The following USH2A variants were observed in gnomAD, a reference collection of about 807,000 sequenced individuals.
USH2A encodes the protein usherin, also known as Usher syndrome 2A (autosomal recessive, mild).
Under a neutral mutation model 538.9 loss-of-function variants are expected in USH2A, and 443 were observed. The observed-to-expected ratio is 0.82, with a 90% CI of 0.76 to 0.89. The LOEUF (loss-of-function observed/expected upper bound fraction) is 0.89. USH2A is among the 40% of genes least tolerant of loss of function. The probability of loss-of-function intolerance (pLI) is 0.00; values close to 1 mark genes in which losing one functional copy is unlikely to be tolerated. For missense variants in USH2A, 6,633 were observed against 6,324.8 expected (o/e 1.05, Z -1.65); for synonymous variants, 2,413 against 2,273.5 (o/e 1.06, Z -1.75).
rs141479099 is a variant in USH2A, at chr1:215,874,057, G to A, written c.8681+3701C>T. Reference sequence around the variant, plus strand: ...ATCTGATCACTTAGGAACCAAGGCAGTGTTGTTAGGTGCTGAAAATTGTGA... The same window carrying A: ...ATCTGATCACTTAGGAACCAAGGCAATGTTGTTAGGTGCTGAAAATTGTGA... On this transcript the variant is annotated intron_variant, in intron 43 of 71. Coordinates refer to ENST00000307340, the MANE Select transcript of USH2A (RefSeq NM_206933.4). Among the ~76,000 whole-genome samples the A allele has an allele frequency of 2.7e-3, 411 of 152,314 alleles. 1 individual carries two copies. Among genetic ancestry groups the A allele is most frequent in the Non-Finnish European group, 3.3e-3 (225 of 68,034 alleles).
chr1:215,690,921 G>A (rs1009915833), intron 61 of USH2A, among the ~76,000 whole-genome samples: 4 of 151,744 alleles, frequency 2.6e-5, no homozygotes, highest in Non-Finnish European at 5.9e-5. Flanking sequence ...ATGGAATCTC[G>A]CTCTGTCACT....
intron 36 of USH2A, among the ~76,000 whole-genome samples, chr1:215,966,132 G>A (rs1212669590): frequency 6.6e-6 from 1 of 152,084 alleles, no homozygotes; most frequent in Non-Finnish European, 1.5e-5. Context: ...TTGTGTTAAT[G>A]AAGCTATGCA....
intron 36 of USH2A, among the ~76,000 whole-genome samples, chr1:215,968,376 G>GT (rs1159388121): frequency 5.9e-5 from 9 of 151,496 alleles, no homozygotes; most frequent in Non-Finnish European, 1.3e-4. Flanking sequence ...TTTTGTTTTT[G>GT]TTTTTTCCAG....
At chr1:216,069,126 C>G in intron 30 of USH2A, among the ~76,000 whole-genome samples, 1 of 152,134 alleles carries the variant, frequency 6.6e-6, no homozygotes, top group East Asian at 1.9e-4. Flanking sequence ...TAGCAATAAA[C>G]TACTTGGTAT....
chr1:215,893,647 A>C (rs1307126717), intron 40 of USH2A, among the ~76,000 whole-genome samples: 1 of 151,536 alleles, frequency 6.6e-6, no homozygotes, highest in African/African-American at 2.4e-5. Flanking sequence ...TAAAGTAAAC[A>C]TAAAAAACTT....
At chr1:216,013,818 T>A (rs1168513538) in intron 32 of USH2A, among the ~76,000 whole-genome samples, 4 of 152,136 alleles carry the variant, frequency 2.6e-5, no homozygotes, top group Non-Finnish European at 4.4e-5. Flanking sequence ...ATAAATAGCT[T>A]TATTGCTCAC....
intron 21 of USH2A, among the ~76,000 whole-genome samples, chr1:216,156,280 C>CTTTCTTTTTT (rs2033934977): frequency 8.5e-6 from 1 of 117,172 alleles, no homozygotes; most frequent in African/African-American, 3.3e-5. Context: ...TTCTTTCTTT[C>CTTTCTTTTTT]TTTCTTTTTT....
rs555398191 is a variant in USH2A, at chr1:216,308,850, C to G, written c.1644+13033G>C. On this transcript the variant is annotated intron_variant, in intron 9 of 71. Coordinates refer to ENST00000307340, the MANE Select transcript of USH2A (RefSeq NM_206933.4). ...TTGCCTAATATTTATGTAGCTCATG[C>G]TAGCTTTCTTAAATTTTCAAACTTG... Among the ~76,000 whole-genome samples, 103 of 152,216 alleles carry G rather than the reference C, an allele frequency of 6.8e-4. 2 individuals carry two copies. The South Asian group carries it at 0.021, about 30-fold the overall frequency.
intron 50 of USH2A, among the ~76,000 whole-genome samples, chr1:215,796,505 T>C (rs947696282): frequency 6.6e-6 from 1 of 152,148 alleles, no homozygotes; most frequent in African/African-American, 2.4e-5. Flanking sequence ...TAGCGTGTCA[T>C]GAACCTTGCC....
intron 11 of USH2A, among the ~76,000 whole-genome samples, chr1:216,260,598 C>T (rs762490519): frequency 1.3e-5 from 2 of 152,098 alleles, no homozygotes; most frequent in Non-Finnish European, 2.9e-5. Context: ...GCCATAGTGC[C>T]AAGGTTGAGA....
chr1:216,228,397 G>T (rs570455765), intron 14 of USH2A, among the ~76,000 whole-genome samples: 1 of 152,238 alleles, frequency 6.6e-6, no homozygotes, highest in Non-Finnish European at 1.5e-5. Flanking sequence ...GATTGATATG[G>T]TTTGGCTGTG....
At chr1:216,080,997 A>G (rs1306107565) in intron 26 of USH2A, among the ~76,000 whole-genome samples, 3 of 152,048 alleles carry the variant, frequency 2.0e-5, no homozygotes, top group Admixed American at 1.3e-4. Context: ...CATCTAAAAT[A>G]TATTAGAAAA....
intron 21 of USH2A, among the ~76,000 whole-genome samples, chr1:216,167,535 C>T (rs935884468): frequency 7.2e-5 from 11 of 152,074 alleles, no homozygotes; most frequent in African/African-American, 2.2e-4. Flanking sequence ...TCAGTAAACA[C>T]ACTGGACATT....
Position 215,627,419 on chromosome 1 carries a change from TC to T in USH2A, c.15519+1394del, listed in dbSNP as rs1340585806. ...TTCCTTCCTTCCTTCCTTCCTTCCT[TC>T]CTTCCTTCCTTCCTTCCTTCCTTCC... On this transcript the variant is annotated intron_variant, in intron 71 of 71. Coordinates refer to ENST00000307340, the MANE Select transcript of USH2A (RefSeq NM_206933.4). Among the ~76,000 whole-genome samples the T allele has an allele frequency of 4.7e-3, 575 of 121,932 alleles. 13 individuals are homozygous for T. The highest frequency in any genetic ancestry group is 0.014 in the South Asian group (39 of 2,786). 80.0% of individuals were successfully genotyped at this position (121,932 alleles called of 152,430 possible).
Position 216,232,044 on chromosome 1 carries a change from C to T in USH2A, c.2902G>A (p.Gly968Ser), listed in dbSNP as rs2035707071. ...GAAGCATCTTGGCAAACACACTGAC[C>T]AGTCAGGCTATTACAGATGTGATTA... ...AVNHICNSLT[G>S]QCVCQDASIA... Residue 968 changes from glycine to serine, a missense_variant, in exon 14 of 72, where the codon GGT becomes AGT. Gly to Ser is a moderately conservative substitution (Grantham distance 56). Transcript: ENST00000307340. 2 of 1,614,016 alleles carry T rather than the reference C, an allele frequency of 1.2e-6. No homozygotes were observed.
intron 61 of USH2A, among the ~76,000 whole-genome samples, chr1:215,724,892 C>A (rs970856803): frequency 3.3e-5 from 5 of 151,966 alleles, no homozygotes; most frequent in Admixed American, 3.3e-4. Context: ...ACCCTGAAGC[C>A]CCTTTGTGCT....
intron 21 of USH2A, among the ~76,000 whole-genome samples, chr1:216,158,720 A>G (rs984896212): frequency 2.0e-5 from 3 of 152,034 alleles, no homozygotes; most frequent in Admixed American, 6.5e-5. Context: ...TCTCATGTGC[A>G]TATTAAAATT....
At chr1:215,638,793 A>G (rs1369148715) in intron 69 of USH2A, among the ~76,000 whole-genome samples, 1 of 151,782 alleles carries the variant, frequency 6.6e-6, no homozygotes, top group Non-Finnish European at 1.5e-5. Context: ...CCTGGCTAAC[A>G]AGGTGAAACC....
At chr1:216,034,838 A>AAACTTC (rs369772036) in intron 32 of USH2A, among the ~76,000 whole-genome samples, 4 of 152,324 alleles carry the variant, frequency 2.6e-5, no homozygotes, top group African/African-American at 9.6e-5. Flanking sequence ...CTAGCCTCTC[A>AAACTTC]AACTTCAAGA....
Sources: allele counts gnomAD v4.1 joint callset (sites outside exome capture counted in the v4.1 genomes callset), GRCh38; gene constraint gnomAD v4.1.1; transcripts MANE v1.5; gene names NCBI Gene and HGNC (gene_info 2026-07-23, HGNC 2026-07-21).